NCKAP5: variants seen among roughly 807,000 people sequenced by gnomAD.
NCKAP5 encodes the protein NCK associated protein 5.
A neutral mutation model predicts 167.0 loss-of-function variants in NCKAP5; 92 were observed. The observed-to-expected ratio is 0.55, with a 90% confidence interval of 0.47 to 0.66. The LOEUF (loss-of-function observed/expected upper bound fraction) is 0.66, where lower values mean the gene tolerates loss of function less well. NCKAP5 is among the 30% of genes least tolerant of loss of function. The pLI is 0.00. For missense variants in NCKAP5, 2,378 were observed against 2,315.0 expected (o/e 1.03, Z -0.56); for synonymous variants, 891 against 877.4 (o/e 1.02, Z -0.27).
At chr2:132,990,411 G>A (rs145211138) in intron 7 of NCKAP5, among the ~76,000 whole-genome samples, 19 of 152,230 alleles carry the variant, frequency 1.2e-4, no homozygotes, top group Middle Eastern at 3.4e-3. Flanking sequence ...TATCTTCTGG[G>A]TACTTCCAGC....
At chr2:133,303,741 T>G (rs956728274) in intron 3 of NCKAP5, among the ~76,000 whole-genome samples, 18 of 152,166 alleles carry the variant, frequency 1.2e-4, no homozygotes, top group African/African-American at 4.1e-4. Context: ...TTTATTTCTC[T>G]AAATCAAACT....
rs764926966 is a variant in NCKAP5 at position 132,781,912 on chromosome 2, A to C, written c.4871+28T>G. 25 of 1,587,218 alleles carry C rather than the reference A, an allele frequency of 1.6e-5. No homozygotes were observed. The East Asian group carries it at 5.6e-4, about 36-fold the overall frequency. ...AAAGGTGGTGGAGGGACCCCTCTAC[A>C]TTGCTACCTGCTTTTCCAGTGAGTT... is the stretch of plus-strand genomic sequence containing the variant. On this transcript the variant is annotated intron_variant, in intron 14 of 19. Transcript: ENST00000409261.
intron 6 of NCKAP5, among the ~76,000 whole-genome samples, chr2:133,016,544 T>G (rs1318275780): frequency 6.6e-6 from 1 of 152,228 alleles, no homozygotes; most frequent in Non-Finnish European, 1.5e-5. Flanking sequence ...GAAAATGGTC[T>G]TTTGGAATCC....
intron 7 of NCKAP5, among the ~76,000 whole-genome samples, chr2:132,990,768 C>T (rs1275977893): frequency 2.6e-5 from 4 of 152,148 alleles, no homozygotes; most frequent in African/African-American, 9.7e-5. Context: ...TCCCTGGAGG[C>T]CCCCAGAAAG....
intron 15 of NCKAP5, among the ~76,000 whole-genome samples, chr2:132,774,169 G>A (rs573274033): frequency 1.3e-5 from 2 of 152,062 alleles, no homozygotes; most frequent in South Asian, 2.1e-4. Flanking sequence ...GAATTTACAG[G>A]GTATCTAATT....
chr2:133,245,180 T>C (rs77960635), intron 4 of NCKAP5, among the ~76,000 whole-genome samples: 3 of 152,112 alleles, frequency 2.0e-5, no homozygotes, highest in Non-Finnish European at 4.4e-5. Flanking sequence ...AACCTGTTCA[T>C]AGCAGCACAT....
intron 6 of NCKAP5, among the ~76,000 whole-genome samples, chr2:133,080,671 A>G (rs1243620787): frequency 2.6e-5 from 4 of 152,172 alleles, no homozygotes; most frequent in East Asian, 1.9e-4. Flanking sequence ...ACACTACACC[A>G]TAATAAATCA....
intron 6 of NCKAP5, among the ~76,000 whole-genome samples, chr2:133,028,812 T>C (rs570746677): frequency 6.6e-6 from 1 of 152,332 alleles, no homozygotes; most frequent in East Asian, 1.9e-4. Context: ...CATGGATGGC[T>C]TAGCATAATC....
At chr2:133,492,186 C>T (rs961295748) in intron 3 of NCKAP5, among the ~76,000 whole-genome samples, 1 of 87,136 alleles carries the variant, frequency 1.1e-5, no homozygotes, top group Non-Finnish European at 2.5e-5. Flanking sequence ...TCTATCTTGT[C>T]ACCAAAGAAG....
chr2:133,517,483 CT>C lies in NCKAP5; in HGVS notation c.43del (p.Arg15GlyfsTer4). ...CACAAGACTGCTGTCTAGAGACAGC[CT>C]TTTTCCAAAGTCCCTTTTCTCAAGC... ...RQLEKRDFGK[R>X]LSLDSSLVEY... On this transcript the variant is annotated frameshift_variant, in exon 3 of 20. Coordinates refer to ENST00000409261, the MANE Select transcript of NCKAP5 (RefSeq NM_207363.3). LOFTEE classifies it high-confidence loss of function. 9 of 1,529,190 alleles carry C rather than the reference CT, an allele frequency of 5.9e-6. No homozygotes were observed. In the Admixed American group the frequency reaches 6.3e-5, roughly 11 times the overall value. The allele number at this position is 1,529,190 out of a possible 1,614,324, so 94.7% of individuals were successfully genotyped here.
chr2:133,379,277 C>T (rs1199169889), intron 3 of NCKAP5, among the ~76,000 whole-genome samples: 1 of 152,130 alleles, frequency 6.6e-6, no homozygotes, highest in Admixed American at 6.5e-5. Flanking sequence ...ACGTGCATAC[C>T]TCGTGATTCA....
At chr2:132,868,302 T>C (rs1420921025) in intron 10 of NCKAP5, among the ~76,000 whole-genome samples, 2 of 152,138 alleles carry the variant, frequency 1.3e-5, no homozygotes, top group African/African-American at 2.4e-5. Context: ...TTGGGCAAAA[T>C]TGACCTGCAT....
At chr2:133,171,358 T>C (rs777398799) in intron 5 of NCKAP5, among the ~76,000 whole-genome samples, 1 of 152,178 alleles carries the variant, frequency 6.6e-6, no homozygotes, top group African/African-American at 2.4e-5. Context: ...CATGTTTTTT[T>C]TGTTTGTTGT....
At chr2:132,962,834 G>C (rs1049263682) in intron 8 of NCKAP5, among the ~76,000 whole-genome samples, 10 of 151,998 alleles carry the variant, frequency 6.6e-5, no homozygotes, top group African/African-American at 1.9e-4. Context: ...CTCGTGATCC[G>C]CCTGCCTCGG....
At chr2:132,763,619 C>T (rs1008758396) in intron 16 of NCKAP5, among the ~76,000 whole-genome samples, 1 of 152,178 alleles carries the variant, frequency 6.6e-6, no homozygotes, top group Non-Finnish European at 1.5e-5. Context: ...GTTTGGGAAA[C>T]ATTGGACTAA....
chr2:133,046,270 A>C (rs2079396019), intron 6 of NCKAP5, among the ~76,000 whole-genome samples: 1 of 152,204 alleles, frequency 6.6e-6, no homozygotes, highest in Non-Finnish European at 1.5e-5. Flanking sequence ...GCATTCCAAA[A>C]ACTCAAATAT....
the NCKAP5 span, among the ~76,000 whole-genome samples, chr2:133,624,301 T>A: frequency 6.6e-6 from 1 of 152,078 alleles, no homozygotes; most frequent in Non-Finnish European, 1.5e-5. Context: ...ATAAATTTTT[T>A]AAAAAGAATC....
chr2:132,913,712 G>A (rs953009105), intron 8 of NCKAP5, among the ~76,000 whole-genome samples: 2 of 152,010 alleles, frequency 1.3e-5, no homozygotes, highest in African/African-American at 4.8e-5. Context: ...ATGCAAGACA[G>A]TACCTTGCAT....
intron 3 of NCKAP5, among the ~76,000 whole-genome samples, chr2:133,367,694 A>T (rs1685541831): frequency 6.6e-6 from 1 of 152,214 alleles, no homozygotes; most frequent in Non-Finnish European, 1.5e-5. Context: ...CCTAGCAAAC[A>T]TGGAGGCAGC....
Sources: allele counts gnomAD v4.1 joint callset (sites outside exome capture counted in the v4.1 genomes callset), GRCh38; gene constraint gnomAD v4.1.1; transcripts MANE v1.5; gene names NCBI Gene and HGNC (gene_info 2026-07-23, HGNC 2026-07-21).